Variants in ANKRD11 observed in about 807,000 individuals in gnomAD.
ANKRD11 encodes ankyrin repeat domain-containing protein 11.
Under a neutral mutation model 195.7 loss-of-function variants are expected in ANKRD11, and 17 were observed. The ratio of observed to expected loss-of-function variants is 0.09; its 90% CI spans 0.06 to 0.13. The LOEUF is 0.13. ANKRD11 is among the 10% of genes least tolerant of loss of function. ANKRD11 has a pLI of 1.00. For missense variants in ANKRD11, 3,735 were observed against 3,566.1 expected, an observed-to-expected ratio of 1.05 and a Z score of -1.21; for synonymous variants, 1,953 against 1,528.1, an observed-to-expected ratio of 1.28 and a Z score of -6.49.
intron 11 of ANKRD11, among the ~76,000 whole-genome samples, chr16:89,273,699 A>C (rs2033386117): frequency 6.6e-6 from 1 of 152,170 alleles, no homozygotes; most frequent in Admixed American, 6.5e-5. Context: ...CCGTCACAAA[A>C]AAAAAAAGGA....
chr16:89,480,569 T>C (rs1056408052), intron 1 of ANKRD11, among the ~76,000 whole-genome samples: 3 of 152,112 alleles, frequency 2.0e-5, no homozygotes, highest in Non-Finnish European at 4.4e-5. Context: ...TAACAGAAGA[T>C]ATAAAACAAA....
chr16:89,388,467 C>T (rs928303092), intron 2 of ANKRD11, among the ~76,000 whole-genome samples: 3 of 151,738 alleles, frequency 2.0e-5, no homozygotes, highest in Non-Finnish European at 2.9e-5. Flanking sequence ...AAAATCGACA[C>T]GGAATAGAAA....
At chr16:89,427,244 C>A (rs2042753286) in intron 1 of ANKRD11, among the ~76,000 whole-genome samples, 1 of 152,206 alleles carries the variant, frequency 6.6e-6, no homozygotes, top group Non-Finnish European at 1.5e-5. Flanking sequence ...CCACAAAACA[C>A]TGTTGAAAGA....
chr16:89,381,067 C>G (rs2040623705), intron 2 of ANKRD11, among the ~76,000 whole-genome samples: 1 of 152,100 alleles, frequency 6.6e-6, no homozygotes, highest in Admixed American at 6.5e-5. Flanking sequence ...TCAGGCCTGT[C>G]ATCCCAGCAC....
chr16:89,471,662 G>C (rs188590736), intron 1 of ANKRD11, among the ~76,000 whole-genome samples: 11 of 151,382 alleles, frequency 7.3e-5, no homozygotes, highest in African/African-American at 2.4e-4. Context: ...GCGGACACCT[G>C]TAATCCCAGC....
intron 1 of ANKRD11, among the ~76,000 whole-genome samples, chr16:89,475,742 T>C (rs900355931): frequency 6.6e-6 from 1 of 152,042 alleles, no homozygotes; most frequent in African/African-American, 2.4e-5. Flanking sequence ...TAAAGAGGGA[T>C]AAGGAACACG....
chr16:89,289,407 G>A (rs2151788028), intron 6 of ANKRD11, among the ~76,000 whole-genome samples: 1 of 152,336 alleles, frequency 6.6e-6, no homozygotes, highest in East Asian at 1.9e-4. Context: ...ACTGTGGACA[G>A]ACAGTCCTGG....
At chr16:89,351,946 T>C (rs2039239049) in intron 2 of ANKRD11, among the ~76,000 whole-genome samples, 1 of 152,220 alleles carries the variant, frequency 6.6e-6, no homozygotes, top group African/African-American at 2.4e-5. Context: ...AGTCTCACTC[T>C]GTCGCCCAGG....
intron 1 of ANKRD11, among the ~76,000 whole-genome samples, chr16:89,432,157 A>G (rs919753232): frequency 1.3e-5 from 2 of 151,646 alleles, no homozygotes; most frequent in African/African-American, 4.8e-5. Flanking sequence ...ACATCTGGTC[A>G]CTTATTTACA....
chr16:89,281,123 C>T lies in ANKRD11; in HGVS notation c.5419G>A (p.Asp1807Asn). ...ACGCTCTGCTGCCTGAAGAGCTTGT[C>T]TCCGACGCTGAATTCTTCCTCGGGG... ...RTPEEEFSVG[D>N]KLFRQQSVPA... is the part of the protein sequence containing the mutation. The change falls in exon 9 of 13, where the codon GAC becomes AAC. Residue 1807 changes from aspartate (D) to asparagine (N), a missense_variant. Physicochemically the swap from Asp to Asn is conservative, Grantham distance 23. Transcript: ENST00000301030. The surrounding 1 kb of genome is among the most constrained non-coding windows in gnomAD (Gnocchi z 5.5). 1 of 1,612,866 alleles carries T rather than the reference C, an allele frequency of 6.2e-7. No individual in the cohort carries two copies. Among genetic ancestry groups the T allele is most frequent in the Non-Finnish European group, 8.5e-7 (1 of 1,178,942 alleles).
intron 2 of ANKRD11, among the ~76,000 whole-genome samples, chr16:89,410,498 C>A (rs1055535830): frequency 1.3e-5 from 2 of 152,086 alleles, no homozygotes; most frequent in African/African-American, 4.8e-5. Context: ...TGTCAGGAAC[C>A]ACGCAGAGCC....
intron 3 of ANKRD11, among the ~76,000 whole-genome samples, chr16:89,310,494 T>C (rs1033651088): frequency 3.9e-5 from 6 of 152,230 alleles, no homozygotes; most frequent in African/African-American, 1.4e-4. Context: ...ACAGGGATTT[T>C]GGCTGGCATT....
chr16:89,394,721 C>G (rs114436031), intron 2 of ANKRD11, among the ~76,000 whole-genome samples: 1,861 of 152,088 alleles, frequency 0.012, 34 homozygotes, highest in African/African-American at 0.043. Context: ...CTTTCATATA[C>G]AGGAGTCGTG....
At chr16:89,482,329 A>G (rs895747225) in intron 1 of ANKRD11, among the ~76,000 whole-genome samples, 1 of 152,222 alleles carries the variant, frequency 6.6e-6, no homozygotes, top group Non-Finnish European at 1.5e-5. Context: ...GGTCAGTCAC[A>G]AAGACATAAA....
intron 1 of ANKRD11, among the ~76,000 whole-genome samples, chr16:89,435,881 A>T (rs748029990): frequency 2.0e-5 from 3 of 151,300 alleles, no homozygotes; most frequent in Non-Finnish European, 4.4e-5. Flanking sequence ...TTTTCACTTC[A>T]ACTTCTGCAT....
chr16:89,408,252 G>A (rs1032500089), intron 2 of ANKRD11, among the ~76,000 whole-genome samples: 1 of 152,242 alleles, frequency 6.6e-6, no homozygotes, highest in Non-Finnish European at 1.5e-5. Flanking sequence ...CAGAAGCCCA[G>A]TTCTCCACCC....
chr16:89,444,922 C>G (rs1005546241), intron 1 of ANKRD11, among the ~76,000 whole-genome samples: 1 of 152,236 alleles, frequency 6.6e-6, no homozygotes, highest in Non-Finnish European at 1.5e-5. Flanking sequence ...AAGAGAGAGG[C>G]AGAGACCTCA....
At chr16:89,479,442 G>A (rs2057368122) in intron 1 of ANKRD11, among the ~76,000 whole-genome samples, 1 of 150,528 alleles carries the variant, frequency 6.6e-6, no homozygotes. Flanking sequence ...AGACCAGCCT[G>A]ACCAACACGG....
At chr16:89,380,610 C>G (rs1304811703) in intron 2 of ANKRD11, among the ~76,000 whole-genome samples, 2 of 152,188 alleles carry the variant, frequency 1.3e-5, no homozygotes, top group African/African-American at 4.8e-5. Flanking sequence ...TAATGCCAAA[C>G]AGGTCTTTGT....
Sources: allele counts gnomAD v4.1 joint callset (sites outside exome capture counted in the v4.1 genomes callset), GRCh38; gene constraint gnomAD v4.1.1; non-coding constraint Gnocchi (gnomAD v3.1); transcripts MANE v1.5; gene names NCBI Gene and HGNC (gene_info 2026-07-23, HGNC 2026-07-21).